The following MYO3A variants were observed in gnomAD, a reference collection of about 807,000 sequenced individuals.
MYO3A encodes the protein myosin-IIIa.
Under a neutral mutation model 192.7 loss-of-function variants are expected in MYO3A, and 180 were observed. That is an observed-to-expected ratio of 0.93 (90% CI 0.83 to 1.06). MYO3A has a LOEUF of 1.06. Ranked by LOEUF, MYO3A falls within the 50% of genes least tolerant of loss-of-function variation. The probability of loss-of-function intolerance (pLI) is 0.00; values close to 1 mark genes in which losing one functional copy is unlikely to be tolerated. For synonymous variants in MYO3A, 628 were observed against 645.3 expected (o/e 0.97, Z 0.41); for missense variants, 1,896 against 1,905.0 (o/e 1.00, Z 0.09).
chr10:26,072,251 A>G (rs928237566), intron 14 of MYO3A, among the ~76,000 whole-genome samples: 1 of 152,134 alleles, frequency 6.6e-6, no homozygotes, highest in African/African-American at 2.4e-5. Flanking sequence ...ACAAATCAAG[A>G]TGAGATTTTG....
chr10:26,128,668 T>C (rs974000078), intron 20 of MYO3A, 130 bp downstream of exon 20: 6 of 979,962 alleles, frequency 6.1e-6, no homozygotes, highest in Non-Finnish European at 9.0e-6. Context: ...ATTTTTATTA[T>C]CTCCACGTCC....
intron 23 of MYO3A, among the ~76,000 whole-genome samples, chr10:26,150,793 A>G (rs1354109697): frequency 1.3e-5 from 2 of 151,022 alleles, no homozygotes; most frequent in Non-Finnish European, 3.0e-5. Context: ...TTTTGTTTCT[A>G]TTTCATTCTC....
chr10:26,183,368 A>C (rs1205828649), intron 31 of MYO3A, among the ~76,000 whole-genome samples: 1 of 152,036 alleles, frequency 6.6e-6, no homozygotes, highest in Admixed American at 6.5e-5. Context: ...CTAAAAATAC[A>C]AAAAATTAGC....
intron 23 of MYO3A, among the ~76,000 whole-genome samples, chr10:26,150,054 G>GTGTC (rs1290590918): frequency 6.7e-6 from 1 of 150,316 alleles, no homozygotes; most frequent in Non-Finnish European, 1.5e-5. Context: ...GTGTGTGTGT[G>GTGTC]TGTAGACACC....
chr10:25,934,309 G>A lies in MYO3A; in HGVS notation c.-124G>A, dbSNP rs1835890995. On this transcript the variant is annotated 5_prime_UTR_variant, in exon 1 of 35. Transcript: ENST00000642920. ...AGCGCCCCCGTAAAGAAATAAGGAG[G>A]CGCCCGGCTTCCCGCCCAGGTACGT... The A allele has an allele frequency of 1.3e-5, 2 of 152,342 alleles. No homozygotes were observed. Among genetic ancestry groups the A allele is most frequent in the African/African-American group, 2.4e-5 (1 of 41,466 alleles). 9.4% of individuals were successfully genotyped at this position (152,342 alleles called of 1,614,324 possible). A position where few individuals can be genotyped will look rare whatever the true frequency, so the allele number is the denominator to read the frequency against.
At chr10:26,096,165 A>G (rs1448076624) in intron 15 of MYO3A, among the ~76,000 whole-genome samples, 2 of 152,212 alleles carry the variant, frequency 1.3e-5, no homozygotes, top group Non-Finnish European at 2.9e-5. Flanking sequence ...TGTATACTGA[A>G]TGATTCCTAT....
chr10:25,982,037 G>A (rs1839360601), intron 4 of MYO3A, among the ~76,000 whole-genome samples: 1 of 152,196 alleles, frequency 6.6e-6, no homozygotes, highest in Non-Finnish European at 1.5e-5. Flanking sequence ...TAGACTGGGT[G>A]CTGTTGATGG....
Position 26,179,555 on chromosome 10 carries a change from T to C in MYO3A, c.4438+2710T>C, listed in dbSNP as rs1231122921. Among the ~76,000 whole-genome samples, 17 of 152,340 alleles carry C rather than the reference T, an allele frequency of 1.1e-4. No homozygotes were observed. In the East Asian group the frequency reaches 3.3e-3, roughly 29 times the overall value. On this transcript the variant is annotated intron_variant, in intron 31 of 34. Coordinates refer to ENST00000642920, the MANE Select transcript of MYO3A (RefSeq NM_017433.5). Reference sequence around the variant, plus strand: ...GTAAAATTGGTCATTTCGCTTAAAGTTGCAGTTTCTAAGAACCCATTGACA... The same window carrying C: ...GTAAAATTGGTCATTTCGCTTAAAGCTGCAGTTTCTAAGAACCCATTGACA...
intron 20 of MYO3A, among the ~76,000 whole-genome samples, chr10:26,132,631 A>T (rs1023540793): frequency 2.6e-5 from 4 of 151,896 alleles, no homozygotes; most frequent in African/African-American, 9.7e-5. Context: ...TTCTTCATCC[A>T]TTAGAGCAGC....
In MYO3A at chr10:26,193,226, C is replaced by G. The variant is rs746570940; in HGVS notation, c.4460C>G (p.Pro1487Arg). The G allele has an allele frequency of 2.5e-6, 4 of 1,613,722 alleles. No individual in the cohort carries two copies. The South Asian group carries it at 4.4e-5, about 18-fold the overall frequency. Residue 1487 changes from proline (P) to arginine (R), a missense_variant, in exon 32 of 35, where the codon CCA becomes CGA. Coordinates refer to ENST00000642920, the MANE Select transcript of MYO3A (RefSeq NM_017433.5). The stretch of plus-strand genomic sequence containing the variant: ...ATAGGTGTCTGTAAAGGAGAGGAGC[C>G]AAAAATATTGAGACCCCCAAGACGA... ...CLSGVCKGEEPKILRPPRRPR... is the reference protein window; with the variant it reads ...CLSGVCKGEERKILRPPRRPR...
At chr10:25,942,790 G>GT (rs36039788) in intron 2 of MYO3A, among the ~76,000 whole-genome samples, 49 of 145,454 alleles carry the variant, frequency 3.4e-4, no homozygotes, top group Middle Eastern at 7.4e-3. Flanking sequence ...TTTTAATTGG[G>GT]TTTTTTTTTT....
At chr10:25,962,760 T>C (rs1246373441) in intron 4 of MYO3A, among the ~76,000 whole-genome samples, 1 of 152,146 alleles carries the variant, frequency 6.6e-6, no homozygotes, top group Non-Finnish European at 1.5e-5. Context: ...TTCAAATGCT[T>C]CCTACCTGAA....
intron 4 of MYO3A, among the ~76,000 whole-genome samples, chr10:25,994,409 C>G (rs1472867246): frequency 6.6e-6 from 1 of 152,222 alleles, no homozygotes; most frequent in African/African-American, 2.4e-5. Flanking sequence ...ACGTGCGTCT[C>G]TGCACATGAG....
At chr10:26,158,711 A>G (rs1189800451) in intron 26 of MYO3A, among the ~76,000 whole-genome samples, 1 of 151,962 alleles carries the variant, frequency 6.6e-6, no homozygotes, top group Non-Finnish European at 1.5e-5. Flanking sequence ...TTTCAGTTCT[A>G]TCATTTCTAT....
At chr10:26,162,166 A>G (rs1020824258) in intron 26 of MYO3A, among the ~76,000 whole-genome samples, 6 of 152,180 alleles carry the variant, frequency 3.9e-5, no homozygotes, top group Admixed American at 3.9e-4. Flanking sequence ...CTGGCAAATA[A>G]ATAGTAGGTG....
intron 32 of MYO3A, among the ~76,000 whole-genome samples, chr10:26,198,637 T>C (rs1564640390): frequency 6.6e-6 from 1 of 152,338 alleles, no homozygotes; most frequent in East Asian, 1.9e-4. Flanking sequence ...GTAATGGATA[T>C]GAATTTTAAC....
intron 4 of MYO3A, among the ~76,000 whole-genome samples, chr10:25,988,487 G>A (rs1167390917): frequency 6.6e-6 from 1 of 152,228 alleles, no homozygotes; most frequent in Non-Finnish European, 1.5e-5. Flanking sequence ...TAGAGGGGCT[G>A]CAGATGGTAT....
chr10:26,033,694 G>C (rs149063795), intron 10 of MYO3A, among the ~76,000 whole-genome samples: 248 of 152,204 alleles, frequency 1.6e-3, no homozygotes, highest in African/African-American at 5.9e-3. Flanking sequence ...TAGTAAACAG[G>C]ATAAGACAAG....
chr10:26,070,393 CTTGGAAAGGTATAA>C lies in MYO3A; in HGVS notation c.1354_1359+8del. 6.2e-7 allele frequency: 1 copy of C among 1,612,198 alleles called. No individual in the cohort carries two copies. Among genetic ancestry groups the C allele is most frequent in the Non-Finnish European group, 8.5e-7 (1 of 1,178,856 alleles). The stretch of plus-strand genomic sequence containing the variant: ...TCTTTTAGTTCAGCAGCTGACAGTG[CTTGGAAAGGTATAA>C]TTTATTTTTTTCTCTGTCCCATCAG... On this transcript the variant is annotated splice_donor_variant and splice_donor_5th_base_variant and coding_sequence_variant and intron_variant, in exon 14 of 35. Coordinates refer to ENST00000642920, the MANE Select transcript of MYO3A (RefSeq NM_017433.5). LOFTEE classifies it high-confidence loss of function.
Sources: gnomAD v4.1 joint callset for allele counts (sites outside exome capture counted in the v4.1 genomes callset) on GRCh38, gnomAD v4.1.1 for gene constraint, MANE v1.5 for transcripts, NCBI Gene and HGNC (gene_info 2026-07-23, HGNC 2026-07-21) for gene names.